The following ACACA variants were observed in gnomAD, a reference collection of about 807,000 sequenced individuals.
ACACA encodes acetyl-CoA carboxylase 1.
Under a neutral mutation model 296.1 loss-of-function variants are expected in ACACA, and 103 were observed. The ratio of observed to expected loss-of-function variants is 0.35; its 90% CI spans 0.30 to 0.41. The LOEUF is 0.41. Among genes scored for constraint, ACACA ranks in the 10% least tolerant of loss-of-function variants. ACACA has a pLI of 1.00. For synonymous variants in ACACA, 953 were observed against 1,038.6 expected (o/e 0.92, Z 1.58); for missense variants, 1,554 against 2,989.7 (o/e 0.52, Z 11.20).
At chr17:37,198,599 C>G (rs561322054) in intron 35 of ACACA, among the ~76,000 whole-genome samples, 5 of 152,196 alleles carry the variant, frequency 3.3e-5, no homozygotes, top group Admixed American at 1.3e-4. Flanking sequence ...GCTCCTCATA[C>G]TTCTCCACTG....
At chr17:37,144,789 G>A (rs971962618) in intron 45 of ACACA, among the ~76,000 whole-genome samples, 6 of 151,316 alleles carry the variant, frequency 4.0e-5, no homozygotes, top group Non-Finnish European at 5.9e-5. Context: ...GCCTGATCTC[G>A]CTAAGGGGGA....
At chr17:37,127,497 C>A (rs1328600956) in intron 47 of ACACA, among the ~76,000 whole-genome samples, 1 of 152,174 alleles carries the variant, frequency 6.6e-6, no homozygotes, top group Non-Finnish European at 1.5e-5. Context: ...CAGGAAAAAA[C>A]TCACTAAGTC....
At chr17:37,405,804 G>A (rs1269768950) in intron 1 of ACACA, among the ~76,000 whole-genome samples, 6 of 150,300 alleles carry the variant, frequency 4.0e-5, no homozygotes, top group African/African-American at 1.5e-4. Context: ...CGCCCGCCTC[G>A]GCCTGCCAAA....
At chr17:37,299,620 TGA>T in intron 3 of ACACA, 1 of 1,208,542 alleles carries the variant, frequency 8.3e-7, no homozygotes, top group Non-Finnish European at 1.0e-6. Context: ...CCAAGGGAAC[TGA>T]GAGGAGCCGG....
intron 6 of ACACA, 61 bp from the exon 7 acceptor site, chr17:37,277,175 A>T: frequency 6.9e-7 from 1 of 1,452,244 alleles, no homozygotes; most frequent in Non-Finnish European, 9.7e-7. Flanking sequence ...ACAAACTGCA[A>T]GAGTCTCTAT....
At chr17:37,331,700 C>T (rs1277756967) in intron 2 of ACACA, among the ~76,000 whole-genome samples, 4 of 151,912 alleles carry the variant, frequency 2.6e-5, no homozygotes, top group Non-Finnish European at 5.9e-5. Flanking sequence ...GCCACTGTGC[C>T]CGGTCTAATT....
intron 2 of ACACA, among the ~76,000 whole-genome samples, chr17:37,331,094 C>CATTTATTT (rs34937895): frequency 0.018 from 2,662 of 146,254 alleles, 58 homozygotes; most frequent in African/African-American, 0.044. Context: ...TTTTATTTTT[C>CATTTATTT]ATTTATTTAT....
At position 37,255,936 on chromosome 17, in the gene ACACA, G is replaced by A. The variant is rs180875938; in HGVS notation, c.1826+1767C>T. On this transcript the variant is annotated intron_variant, in intron 14 of 55. Transcript: ENST00000616317. ...TAATTTTTGTATTTTTAGCAGAGAC[G>A]GGGTTTTACCATGTTGGCGAAGTTG... Among the ~76,000 whole-genome samples, 99 of 152,030 alleles carry A rather than the reference G, an allele frequency of 6.5e-4. 1 individual carries two copies. Among genetic ancestry groups the A allele is most frequent in the Non-Finnish European group, 1.2e-3 (82 of 67,962 alleles).
At chr17:37,087,523 T>TCACTGCAGACGTTTTA (rs1323997922) in intron 55 of ACACA, 84 bp from the exon 56 acceptor site, 1 of 1,520,494 alleles carries the variant, frequency 6.6e-7, no homozygotes, top group African/African-American at 1.4e-5. Flanking sequence ...CCAATAAACA[T>TCACTGCAGACGTTTTA]GTGTGCACCG....
At chr17:37,393,499 C>T (rs995312854) in intron 1 of ACACA, among the ~76,000 whole-genome samples, 3 of 152,132 alleles carry the variant, frequency 2.0e-5, no homozygotes, top group South Asian at 4.2e-4. Context: ...TGAGATGTCC[C>T]GGGAGATAAA....
intron 3 of ACACA, among the ~76,000 whole-genome samples, chr17:37,303,844 C>T (rs886242363): frequency 6.6e-6 from 1 of 152,126 alleles, no homozygotes; most frequent in Non-Finnish European, 1.5e-5. Context: ...GGCAACAGAG[C>T]GAGACTCCGT....
chr17:37,344,663 T>C (rs916878144), intron 1 of ACACA, among the ~76,000 whole-genome samples: 3 of 152,130 alleles, frequency 2.0e-5, no homozygotes, highest in African/African-American at 7.2e-5. Flanking sequence ...GACAATTTTC[T>C]TGGAAAGCAG....
Position 37,259,377 on chromosome 17 carries a change from G to A in ACACA, c.1483C>T (p.Pro495Ser). The A allele has an allele frequency of 6.2e-7, 1 of 1,614,128 alleles. No homozygotes were observed. Among genetic ancestry groups the A allele is most frequent in the South Asian group, 1.1e-5 (1 of 91,072 alleles). Residue 495 changes from proline (P) to serine (S), a missense_variant, in exon 12 of 56, where the codon CCT (proline) becomes TCT (serine). Pro to Ser is a moderately conservative substitution (Grantham distance 74). Transcript: ENST00000616317. ...AGACTCACCTGGAGCTGTGCTGCAGGGAGATTGACATCAGCCACCATCTCT... is the reference window on the plus strand; with the variant it reads ...AGACTCACCTGGAGCTGTGCTGCAGAGAGATTGACATCAGCCACCATCTCT... ...CTEMVADVNL[P>S]AAQLQIAMGI...
intron 8 of ACACA, among the ~76,000 whole-genome samples, chr17:37,274,880 C>T (rs569411267): frequency 6.6e-6 from 1 of 152,060 alleles, no homozygotes; most frequent in South Asian, 2.1e-4. Flanking sequence ...CCCTGGAGAG[C>T]CAGAGTAACA....
intron 1 of ACACA, chr17:37,388,632 T>C (rs1206017793): frequency 6.3e-7 from 1 of 1,595,178 alleles, no homozygotes; most frequent in Non-Finnish European, 8.6e-7. Flanking sequence ...TCTCTCAAAT[T>C]TTCTTTTCTC....
At position 37,208,518 on chromosome 17, in the gene ACACA, T is replaced by C. The variant is rs1273777667; in HGVS notation, c.3708-718A>G. Among the ~76,000 whole-genome samples the C allele has an allele frequency of 5.9e-5, 9 of 152,142 alleles. No individual in the cohort carries two copies. In the East Asian group the frequency reaches 1.7e-3, roughly 29 times the overall value. On this transcript the variant is annotated intron_variant, in intron 30 of 55. Transcript: ENST00000616317. ...GTTTTTCTTTTCATAGTTAAGCACT[T>C]CTATACCAAAACAAAAAAATCTCCA... is the stretch of plus-strand genomic sequence containing the variant.
chr17:37,338,971 G>GAA (rs2048262189), intron 2 of ACACA, among the ~76,000 whole-genome samples: 1 of 74,776 alleles, frequency 1.3e-5, no homozygotes, highest in Non-Finnish European at 2.2e-5. Context: ...AAAAAAGGCA[G>GAA]AGAGGGAGGG....
chr17:37,144,883 C>A (rs2075746920), intron 45 of ACACA, among the ~76,000 whole-genome samples: 1 of 152,100 alleles, frequency 6.6e-6, no homozygotes. Context: ...CCTGGTGAAT[C>A]TATCACCTGC....
intron 1 of ACACA, among the ~76,000 whole-genome samples, chr17:37,361,823 A>G (rs2049415825): frequency 6.6e-6 from 1 of 152,218 alleles, no homozygotes; most frequent in South Asian, 2.1e-4. Flanking sequence ...AAGGGTGGAG[A>G]GAACTTACTA....
Sources: allele counts gnomAD v4.1 joint callset (sites outside exome capture counted in the v4.1 genomes callset), GRCh38; gene constraint gnomAD v4.1.1; transcripts MANE v1.5; gene names NCBI Gene and HGNC (gene_info 2026-07-23, HGNC 2026-07-21).